FOXP1: variants seen among roughly 807,000 people sequenced by gnomAD.
FOXP1 encodes the protein forkhead box P1, also known as forkhead box protein P1.
A neutral mutation model predicts 98.2 loss-of-function variants in FOXP1; 15 were observed. The ratio of observed to expected loss-of-function variants is 0.15; its 90% CI spans 0.10 to 0.24. The LOEUF is 0.24. Among genes scored for constraint, FOXP1 ranks in the 10% least tolerant of loss-of-function variants. The pLI is 1.00. For missense variants in FOXP1, 633 were observed against 848.5 expected, an observed-to-expected ratio of 0.75 and a Z score of 3.15; for synonymous variants, 371 against 314.5, an observed-to-expected ratio of 1.18 and a Z score of -1.90.
chr3:71,439,093 C>A (rs1288474353), intron 3 of FOXP1, among the ~76,000 whole-genome samples: 1 of 152,338 alleles, frequency 6.6e-6, no homozygotes, highest in Non-Finnish European at 1.5e-5. Flanking sequence ...GATGGGACTG[C>A]CTATGCAGGT....
At chr3:71,394,402 G>T (rs1369938843) in intron 3 of FOXP1, among the ~76,000 whole-genome samples, 1 of 152,150 alleles carries the variant, frequency 6.6e-6, no homozygotes, top group African/African-American at 2.4e-5. Flanking sequence ...AGAAGAAAAG[G>T]TCAAACAGGT....
intron 6 of FOXP1, among the ~76,000 whole-genome samples, chr3:71,155,224 A>G (rs2060762696): frequency 6.6e-6 from 1 of 152,228 alleles, no homozygotes; most frequent in African/African-American, 2.4e-5. Context: ...GGGAAGGCCT[A>G]GAAAATACAT....
Position 71,316,187 on chromosome 3 carries a change from C to T in FOXP1, c.-72-16307G>A, listed in dbSNP as rs1264739820. ...AGGGATGGTGTTTAATTGCTACAGA[C>T]GGGTCGCCTGAACAAAGTGCTAAAA... is the stretch of plus-strand genomic sequence containing the variant. On this transcript the variant is annotated intron_variant, in intron 4 of 20. Transcript: ENST00000649528. 3.3e-5 allele frequency among the ~76,000 whole-genome samples: 5 copies of T among 152,218 alleles called. No homozygotes were observed. In the Middle Eastern group the frequency reaches 0.01, roughly 311 times the overall value.
At chr3:71,284,424 A>C (rs745364981) in intron 5 of FOXP1, among the ~76,000 whole-genome samples, 2 of 152,110 alleles carry the variant, frequency 1.3e-5, no homozygotes, top group Non-Finnish European at 2.9e-5. Flanking sequence ...AATTAGCTGG[A>C]CATGGTGTGT....
chr3:71,206,597 A>G lies in FOXP1; in HGVS notation c.-11-8205T>C, dbSNP rs186889161. On this transcript the variant is annotated intron_variant, in intron 5 of 20. Coordinates refer to ENST00000649528, the MANE Select transcript of FOXP1 (RefSeq NM_001349338.3). ...TTCACCAGGCTTTCAATGTGAAGAC[A>G]GGAGACTTCATATTTCCAAGGAAAA... is the stretch of plus-strand genomic sequence containing the variant. 3.0e-4 allele frequency among the ~76,000 whole-genome samples: 45 copies of G among 152,170 alleles called. 2 individuals are homozygous for G. In the East Asian group the frequency reaches 8.1e-3, roughly 27 times the overall value.
intron 2 of FOXP1, among the ~76,000 whole-genome samples, chr3:71,536,425 T>C (rs1271049639): frequency 1.3e-5 from 2 of 152,136 alleles, no homozygotes; most frequent in Non-Finnish European, 2.9e-5. Context: ...GGCAGGATCA[T>C]TTTTGCACAG....
chr3:71,048,874 TG>T (rs2049421125), intron 9 of FOXP1, among the ~76,000 whole-genome samples: 2 of 152,282 alleles, frequency 1.3e-5, no homozygotes, highest in South Asian at 4.2e-4. Context: ...TTAAAAATTT[TG>T]TATTTATGTA....
chr3:71,224,762 T>C (rs1185694475), intron 5 of FOXP1, among the ~76,000 whole-genome samples: 2 of 152,188 alleles, frequency 1.3e-5, no homozygotes, highest in Admixed American at 1.3e-4. Context: ...CAGCATCAAA[T>C]TAGAAAATAA....
At chr3:71,430,140 G>A (rs1253229428) in intron 3 of FOXP1, among the ~76,000 whole-genome samples, 1 of 152,090 alleles carries the variant, frequency 6.6e-6, no homozygotes, top group Non-Finnish European at 1.5e-5. Flanking sequence ...AGACAATTCA[G>A]GTTTTTTACA....
At chr3:71,231,909 G>T (rs74924481) in intron 5 of FOXP1, among the ~76,000 whole-genome samples, 3,242 of 152,316 alleles carry the variant, frequency 0.021, 136 homozygotes, top group African/African-American at 0.073. Flanking sequence ...ATCTCCTGTA[G>T]GAAGGCCACA....
intron 5 of FOXP1, among the ~76,000 whole-genome samples, chr3:71,225,470 T>C (rs1411008118): frequency 6.6e-6 from 1 of 152,226 alleles, no homozygotes; most frequent in Non-Finnish European, 1.5e-5. Flanking sequence ...AAAAACATTT[T>C]AACGTGAAGC....
At position 70,955,398 on chromosome 3, in the gene FOXP1, G is replaced by A. The variant is rs2031528493; in HGVS notation, c.*3849C>T. The A allele has an allele frequency of 4.3e-6, 1 of 232,698 alleles. No individual in the cohort carries two copies. 14.4% of individuals were successfully genotyped at this position (232,698 alleles called of 1,614,324 possible). ...AGCCTTGATATTCCATTTTGTGGCT[G>A]GTCCAAGGGGCAGCCTAACTCATCT... On this transcript the variant is annotated 3_prime_UTR_variant, in exon 21 of 21. Transcript: ENST00000649528.
intron 3 of FOXP1, among the ~76,000 whole-genome samples, chr3:71,465,082 C>A (rs1204104767): frequency 1.3e-5 from 2 of 151,996 alleles, no homozygotes; most frequent in African/African-American, 4.8e-5. Context: ...CCGAGGTAGG[C>A]GGATCACCTG....
At chr3:71,451,660 A>G (rs1247612094) in intron 3 of FOXP1, among the ~76,000 whole-genome samples, 1 of 152,216 alleles carries the variant, frequency 6.6e-6, no homozygotes, top group African/African-American at 2.4e-5. Context: ...AAATGCTTCG[A>G]TAGGCTAACA....
At chr3:70,975,733 T>C (rs1421411958) in intron 17 of FOXP1, among the ~76,000 whole-genome samples, 8 of 152,098 alleles carry the variant, frequency 5.3e-5, no homozygotes, top group Non-Finnish European at 1.2e-4. Context: ...TAGTAAAAAA[T>C]GCAAAAATAC....
rs2050021661 is a variant in FOXP1 at position 71,052,404 on chromosome 3, C to A, written c.510+133G>T. On this transcript the variant is annotated intron_variant, in intron 9 of 20. Coordinates refer to ENST00000649528, the MANE Select transcript of FOXP1 (RefSeq NM_001349338.3). ...TCTGAGTGAAAACAGGACAATAATT[C>A]TCAGTCTGAAAGCTGAGAACCGATA... 1.5e-5 allele frequency: 11 copies of A among 720,184 alleles called. 1 individual carries two copies. The highest frequency in any genetic ancestry group is 1.5e-4 in the South Asian group (10 of 66,526). The allele number at this position is 720,184 out of a possible 1,614,324, so 44.6% of individuals were successfully genotyped here.
At position 71,028,936 on chromosome 3, in the gene FOXP1, C is replaced by T. The variant is rs1376236683; in HGVS notation, c.869+12392G>A. Among the ~76,000 whole-genome samples, 6 of 152,152 alleles carry T rather than the reference C, an allele frequency of 3.9e-5. No individual in the cohort carries two copies. The South Asian group carries it at 1.0e-3, about 26-fold the overall frequency. On this transcript the variant is annotated intron_variant, in intron 11 of 20. Coordinates refer to ENST00000649528, the MANE Select transcript of FOXP1 (RefSeq NM_001349338.3). ...ACGCTCCTGTGAGAATCTAATGCCT[C>T]GCTGATCTGATAGGAGGCGAAGCTC...
chr3:71,112,726 G>T (rs2058044548), intron 6 of FOXP1, 89 bp from the exon 7 acceptor site: 1 of 940,692 alleles, frequency 1.1e-6, no homozygotes, highest in South Asian at 1.3e-5. Context: ...TGCGCTTTGG[G>T]ACTGGGTCCT....
chr3:71,565,779 T>C (rs1306610379), intron 2 of FOXP1, among the ~76,000 whole-genome samples: 5 of 152,138 alleles, frequency 3.3e-5, no homozygotes, highest in African/African-American at 1.2e-4. Flanking sequence ...ATAATGATGT[T>C]GGGTTTGGAT....
Sources: gnomAD v4.1 joint callset for allele counts (sites outside exome capture counted in the v4.1 genomes callset) on GRCh38, gnomAD v4.1.1 for gene constraint, MANE v1.5 for transcripts, NCBI Gene and HGNC (gene_info 2026-07-23, HGNC 2026-07-21) for gene names.